COX18: variants seen among roughly 807,000 people sequenced by gnomAD.
The protein encoded by COX18 is cytochrome c oxidase assembly protein COX18, mitochondrial.
A neutral mutation model predicts 38.0 loss-of-function variants in COX18; 45 were observed. The observed-to-expected ratio is 1.18, with a 90% CI of 0.93 to 1.52. The LOEUF (loss-of-function observed/expected upper bound fraction) is 1.52, where lower values mean the gene tolerates loss of function less well. Among genes scored for constraint, COX18 ranks in the 40% most tolerant of loss-of-function variants. The pLI is 0.00. For synonymous variants in COX18, 177 were observed against 169.8 expected (o/e 1.04, Z -0.33); for missense variants, 462 against 423.8 (o/e 1.09, Z -0.79).
chr4:73,068,053 A>G lies in COX18; in HGVS notation c.410T>C (p.Leu137Ser). ...NQEVAVRANQ[L>S]GWSKRDARLT... ...CCTGGCATCTCTTTTGGACCACCCC[A>G]ACTGATTTGCACGAACTGCAACTTC... Residue 137 changes from leucine to serine, a missense_variant, in exon 2 of 6, where the codon TTG becomes TCG. Coordinates refer to ENST00000507544, the MANE Select transcript of COX18 (RefSeq NM_001297732.2). The G allele has an allele frequency of 6.2e-7, 1 of 1,611,022 alleles. No homozygotes were observed. The highest frequency in any genetic ancestry group is 8.5e-7 in the Non-Finnish European group (1 of 1,178,930).
In COX18 at chr4:73,061,805, T is replaced by C. The variant is rs773379706; in HGVS notation, c.831+8A>G. 3 of 1,547,298 alleles carry C rather than the reference T, an allele frequency of 1.9e-6. No homozygotes were observed. The Admixed American group carries it at 5.0e-5, about 26-fold the overall frequency. On this transcript the variant is annotated splice_region_variant and intron_variant, in intron 5 of 5. Transcript: ENST00000507544. ...CACATGCTACACACAATATTGGTGC[T>C]TACTCACTGAGGGTACCGTTGCAGC...
Position 73,068,098 on chromosome 4 carries a change from A to C in COX18, c.365T>G (p.Ile122Ser). 1 of 1,609,302 alleles carries C rather than the reference A, an allele frequency of 6.2e-7. No individual in the cohort carries two copies. Among genetic ancestry groups the C allele is most frequent in the South Asian group, 1.1e-5 (1 of 90,258 alleles). ...AACTTCTTGGTTAAGATGCCTGGCA[A>C]TAGTTTTTATTTCTGGCTGCAAATT... ...VENLQPEIKT[I>S]ARHLNQEVAV... is the part of the protein sequence containing the mutation. Residue 122 changes from isoleucine to serine, a missense_variant, in exon 2 of 6, where the codon ATT (isoleucine) becomes AGT (serine). Ile to Ser is a moderately radical substitution (Grantham distance 142, BLOSUM62 -2). Transcript: ENST00000507544.
At chr4:73,065,851 T>C (rs1198760900) in intron 2 of COX18, among the ~76,000 whole-genome samples, 1 of 152,242 alleles carries the variant, frequency 6.6e-6, no homozygotes, top group Non-Finnish European at 1.5e-5. Flanking sequence ...TGTATGCTCT[T>C]GGCCTGTCAA....
Position 73,061,833 on chromosome 4 carries a change from T to C in COX18, c.811A>G (p.Ile271Val), listed in dbSNP as rs200181583. 1.5e-4 allele frequency: 245 copies of C among 1,611,010 alleles called. 1 individual carries two copies. Among genetic ancestry groups the C allele is most frequent in the African/African-American group, 6.8e-4 (51 of 74,876 alleles). The change falls in exon 5 of 6, where the codon ATT becomes GTT. Residue 271 changes from isoleucine (I) to valine (V), a missense_variant. Coordinates refer to ENST00000507544, the MANE Select transcript of COX18 (RefSeq NM_001297732.2). ...VRAMSVLMIP[I>V]AATVPSSIVL... ...CTCACTGAGGGTACCGTTGCAGCAA[T>C]TGGTATCATCAACACCGACATTGCA...
chr4:73,055,518 C>G lies in COX18; in HGVS notation c.*2596G>C, dbSNP rs776582811. On this transcript the variant is annotated 3_prime_UTR_variant, in exon 6 of 6. Transcript: ENST00000507544. The stretch of plus-strand genomic sequence containing the variant: ...TCTAATATACTTATTTTCTCCTAAG[C>G]CTTCCTGAGCTTAGGAACATCAGAA... The G allele has an allele frequency of 6.6e-6, 1 of 152,184 alleles. No homozygotes were observed. The highest frequency in any genetic ancestry group is 1.5e-5 in the Non-Finnish European group (1 of 68,044). 9.4% of individuals were successfully genotyped at this position (152,184 alleles called of 1,614,324 possible). A position where few individuals can be genotyped will look rare whatever the true frequency, so the allele number is the denominator to read the frequency against.
At chr4:73,067,882 TATAAAA>T (rs1224499159) in intron 2 of COX18, 141 bp downstream of exon 2, 85 of 121,982 alleles carry the variant, frequency 7.0e-4, no homozygotes, top group African/African-American at 3.0e-3. Flanking sequence ...TATATATATA[TATAAAA>T]AAAGAAATAC....
intron 4 of COX18, 90 bp from the exon 5 acceptor site, chr4:73,062,010 G>GCAC: frequency 1.2e-5 from 6 of 489,324 alleles, no homozygotes; most frequent in Admixed American, 3.7e-5. Flanking sequence ...TTTTTCACTG[G>GCAC]CCTCCATCTA....
chr4:73,057,516 G>C lies in COX18; in HGVS notation c.*598C>G, dbSNP rs2110044444. The stretch of plus-strand genomic sequence containing the variant: ...GTTTAGTTTAACTTGCCATCATTCA[G>C]TAGCTAACCCTATTCTCCAAAGTTC... On this transcript the variant is annotated 3_prime_UTR_variant, in exon 6 of 6. Transcript: ENST00000507544. The C allele has an allele frequency of 6.6e-6, 1 of 152,174 alleles. No individual in the cohort carries two copies. Among genetic ancestry groups the C allele is most frequent in the East Asian group, 1.9e-4 (1 of 5,184 alleles). 9.4% of individuals were successfully genotyped at this position (152,174 alleles called of 1,614,324 possible).
At chr4:73,068,166 G>A in intron 1 of COX18, 37 bp from the exon 2 acceptor site, 3 of 1,315,346 alleles carry the variant, frequency 2.3e-6, no homozygotes, top group Non-Finnish European at 3.2e-6. Context: ...AGCACATAAA[G>A]GATCTTTATT....
chr4:73,054,082 A>G lies in COX18; in HGVS notation c.*4032T>C, dbSNP rs1719811376. 1.6e-5 allele frequency: 2 copies of G among 125,506 alleles called. No individual in the cohort carries two copies. Among genetic ancestry groups the G allele is most frequent in the Non-Finnish European group, 3.5e-5 (2 of 57,650 alleles). The allele number at this position is 125,506 out of a possible 1,614,324, so 7.8% of individuals were successfully genotyped here. On this transcript the variant is annotated 3_prime_UTR_variant, in exon 6 of 6. Transcript: ENST00000507544. ...TCCTGTAAGGACGAGAAGGGTGGGTAACACCCCTGTGGGGAAGGGTAACAC... is the reference window on the plus strand; with the variant it reads ...TCCTGTAAGGACGAGAAGGGTGGGTGACACCCCTGTGGGGAAGGGTAACAC...
intron 4 of COX18, among the ~76,000 whole-genome samples, chr4:73,063,575 C>A (rs1720289069): frequency 6.6e-6 from 1 of 152,112 alleles, no homozygotes; most frequent in Admixed American, 6.5e-5. Flanking sequence ...CTTTATTAGT[C>A]TTTAGATGAC....
At position 73,057,437 on chromosome 4, in the gene COX18, AC is replaced by A. The variant is rs2110044313; in HGVS notation, c.*676del. On this transcript the variant is annotated 3_prime_UTR_variant, in exon 6 of 6. Coordinates refer to ENST00000507544, the MANE Select transcript of COX18 (RefSeq NM_001297732.2). ...TGAGACTCCATCTCAAAAAAAAAAA[AC>A]ATGAATCATCTCACTGATCCTCTTA... The A allele has an allele frequency of 1.3e-5, 2 of 152,264 alleles. No homozygotes were observed. The highest frequency in any genetic ancestry group is 4.1e-4 in the South Asian group (2 of 4,828). The allele number at this position is 152,264 out of a possible 1,614,324, so 9.4% of individuals were successfully genotyped here. A position where few individuals can be genotyped will look rare whatever the true frequency, so the allele number is the denominator to read the frequency against.
intron 2 of COX18, among the ~76,000 whole-genome samples, chr4:73,067,177 T>A (rs1720487547): frequency 6.6e-6 from 1 of 152,226 alleles, no homozygotes; most frequent in South Asian, 2.1e-4. Context: ...ATCTTAGCTA[T>A]CAAAGTGTTT....
intron 2 of COX18, among the ~76,000 whole-genome samples, chr4:73,065,772 C>T (rs1221924475): frequency 6.6e-6 from 1 of 152,190 alleles, no homozygotes; most frequent in East Asian, 1.9e-4. Flanking sequence ...AATCAAATCT[C>T]TCCACTCCCG....
chr4:73,059,692 C>A (rs1560469964), intron 5 of COX18, among the ~76,000 whole-genome samples: 1 of 152,128 alleles, frequency 6.6e-6, no homozygotes, highest in Non-Finnish European at 1.5e-5. Context: ...GCTGTTGGGA[C>A]AATTACATGG....
intron 5 of COX18, among the ~76,000 whole-genome samples, chr4:73,060,318 G>A (rs1720088425): frequency 6.6e-6 from 1 of 152,078 alleles, no homozygotes. Flanking sequence ...TTTATCTGAG[G>A]CGTTCTTCAG....
In COX18 at chr4:73,069,701, A is replaced by G; in HGVS notation, c.-52T>C. On this transcript the variant is annotated 5_prime_UTR_variant, in exon 1 of 6. Coordinates refer to ENST00000507544, the MANE Select transcript of COX18 (RefSeq NM_001297732.2). ...CCGGGCCTCACAATCCAGCGGACAT[A>G]CACCGGCCAGCCAAGGCTGATACGC... The G allele has an allele frequency of 6.6e-7, 1 of 1,509,658 alleles. No homozygotes were observed. 93.5% of individuals were successfully genotyped at this position (1,509,658 alleles called of 1,614,324 possible).
rs141256947 is a variant in COX18 at position 73,057,728 on chromosome 4, G to T, written c.*386C>A. On this transcript the variant is annotated 3_prime_UTR_variant, in exon 6 of 6. Transcript: ENST00000507544. ...CTTGTTGTCCAGGCTGGAGTGCAAT[G>T]GGGTGATCTCAGCTCACTGAAACCT... 0.011 allele frequency: 1,687 copies of T among 155,168 alleles called. 33 individuals carry two copies. Among genetic ancestry groups the T allele is most frequent in the African/African-American group, 0.039 (1,602 of 41,492 alleles). The allele number at this position is 155,168 out of a possible 1,614,324, so 9.6% of individuals were successfully genotyped here.
At position 73,069,299 on chromosome 4, in the gene COX18, C is replaced by T. The variant is rs754666422; in HGVS notation, c.333+18G>A. 3.4e-6 allele frequency: 5 copies of T among 1,485,268 alleles called. No homozygotes were observed. Among genetic ancestry groups the T allele is most frequent in the Admixed American group, 2.4e-5 (1 of 42,524 alleles). 92.0% of individuals were successfully genotyped at this position (1,485,268 alleles called of 1,614,324 possible). A position where few individuals can be genotyped will look rare whatever the true frequency, so the allele number is the denominator to read the frequency against. ...GGGGTTGCAGCGCAGGGTACGCGCA[C>T]GGCTCGGCGCCCCTCACCTTGGCCA... is the stretch of plus-strand genomic sequence containing the variant. On this transcript the variant is annotated intron_variant, in intron 1 of 5. Transcript: ENST00000507544.
Sources: gnomAD v4.1 joint callset for allele counts (sites outside exome capture counted in the v4.1 genomes callset) on GRCh38, gnomAD v4.1.1 for gene constraint, MANE v1.5 for transcripts, NCBI Gene and HGNC (gene_info 2026-07-23, HGNC 2026-07-21) for gene names.